The following ARHGAP42 variants were observed in gnomAD, a reference collection of about 807,000 sequenced individuals.
ARHGAP42 encodes rho GTPase-activating protein 42.
ARHGAP42 carries 63 observed loss-of-function variants against 125.0 expected under a neutral mutation model. The ratio of observed to expected loss-of-function variants is 0.50; its 90% CI spans 0.41 to 0.62. The LOEUF is 0.62. Ranked by LOEUF, ARHGAP42 falls within the 20% of genes least tolerant of loss-of-function variation. The probability of loss-of-function intolerance (pLI) is 0.00; values close to 1 mark genes in which losing one functional copy is unlikely to be tolerated. For missense variants in ARHGAP42, 766 were observed against 1,024.2 expected, an observed-to-expected ratio of 0.75 and a Z score of 3.44; for synonymous variants, 339 against 351.0, an observed-to-expected ratio of 0.97 and a Z score of 0.38.
At chr11:100,945,376 C>G (rs1364872435) in intron 10 of ARHGAP42, among the ~76,000 whole-genome samples, 2 of 151,994 alleles carry the variant, frequency 1.3e-5, no homozygotes, top group African/African-American at 4.8e-5. Flanking sequence ...TTGGCTTCCT[C>G]CCACGAGGGA....
chr11:100,792,409 A>G (rs776065537), intron 2 of ARHGAP42, among the ~76,000 whole-genome samples: 3 of 152,180 alleles, frequency 2.0e-5, no homozygotes, highest in Non-Finnish European at 2.9e-5. Context: ...AGTCCCCACT[A>G]CTTACTTTAA....
intron 4 of ARHGAP42, among the ~76,000 whole-genome samples, chr11:100,871,904 C>T (rs929186177): frequency 5.3e-5 from 8 of 152,182 alleles, no homozygotes; most frequent in Non-Finnish European, 8.8e-5. Context: ...CCATCACACC[C>T]AGCTAATTTT....
intron 4 of ARHGAP42, among the ~76,000 whole-genome samples, chr11:100,890,754 T>C (rs987908742): frequency 6.6e-6 from 1 of 152,224 alleles, no homozygotes; most frequent in Admixed American, 6.5e-5. Context: ...CAGGGACTAA[T>C]AGTTAATTAA....
intron 2 of ARHGAP42, among the ~76,000 whole-genome samples, chr11:100,778,910 C>CA (rs1863199061): frequency 2.0e-5 from 3 of 152,140 alleles, no homozygotes; most frequent in Non-Finnish European, 4.4e-5. Context: ...TTCTGCCCAA[C>CA]AAAAAATAGC....
chr11:100,873,841 T>G (rs1429565295), intron 4 of ARHGAP42, among the ~76,000 whole-genome samples: 2 of 152,118 alleles, frequency 1.3e-5, no homozygotes, highest in Non-Finnish European at 2.9e-5. Context: ...ACGCAGGCAG[T>G]TTAACTCTAA....
chr11:100,789,614 G>A (rs756909930), intron 2 of ARHGAP42, among the ~76,000 whole-genome samples: 3 of 152,178 alleles, frequency 2.0e-5, no homozygotes, highest in Non-Finnish European at 4.4e-5. Context: ...ATGTGCTCAC[G>A]TGAGTGATCA....
intron 3 of ARHGAP42, among the ~76,000 whole-genome samples, chr11:100,797,591 C>G (rs1434542850): frequency 6.6e-6 from 1 of 150,884 alleles, no homozygotes. Context: ...ACTGTTGAGA[C>G]CTAATGTTCA....
In ARHGAP42 at chr11:100,834,700, C is replaced by T. The variant is rs772965234; in HGVS notation, c.313-24854C>T. 9.9e-5 allele frequency among the ~76,000 whole-genome samples: 15 copies of T among 151,938 alleles called. No homozygotes were observed. In the South Asian group the frequency reaches 1.0e-3, roughly 11 times the overall value. On this transcript the variant is annotated intron_variant, in intron 3 of 23. Coordinates refer to ENST00000298815, the MANE Select transcript of ARHGAP42 (RefSeq NM_152432.4). ...TTAAAGAAGTGGGCAGGAATCCAGA[C>T]GAACTGTAGCCAAAAAAAGAATAGA...
At chr11:100,830,762 C>T (rs3847566) in intron 3 of ARHGAP42, among the ~76,000 whole-genome samples, 42,817 of 151,902 alleles carry the variant, frequency 0.28, 6,532 homozygotes, top group South Asian at 0.48. Context: ...TAGAGTGAGC[C>T]GTCATCTGGC....
chr11:100,863,368 T>A (rs1031918878), intron 4 of ARHGAP42, among the ~76,000 whole-genome samples: 1 of 152,212 alleles, frequency 6.6e-6, no homozygotes, highest in Admixed American at 6.5e-5. Flanking sequence ...GTCAGCGACC[T>A]CTTCAGCTTG....
At chr11:100,911,625 G>T (rs541238519) in intron 4 of ARHGAP42, among the ~76,000 whole-genome samples, 20 of 152,236 alleles carry the variant, frequency 1.3e-4, no homozygotes, top group African/African-American at 4.3e-4. Flanking sequence ...CAGGTAAGTT[G>T]TGGACATAAA....
intron 1 of ARHGAP42, among the ~76,000 whole-genome samples, chr11:100,734,979 A>T (rs1010233740): frequency 6.6e-6 from 1 of 152,046 alleles, no homozygotes; most frequent in African/African-American, 2.4e-5. Context: ...AGTAAGGACA[A>T]TCTGAAAACA....
rs1857936505 is a variant in ARHGAP42 at position 100,960,902 on chromosome 11, T to C, written c.1226-13T>C. 8.1e-6 allele frequency: 12 copies of C among 1,484,478 alleles called. No individual in the cohort carries two copies. The South Asian group carries it at 1.4e-4, about 17-fold the overall frequency. 92.0% of individuals were successfully genotyped at this position (1,484,478 alleles called of 1,614,324 possible). On this transcript the variant is annotated splice_polypyrimidine_tract_variant and intron_variant, in intron 13 of 23. Transcript: ENST00000298815. ...ATCTCAAGCCGTTTTCTTGTGATTTTCCTTCCTATTAGGTATCACCATTTT... is the reference window on the plus strand; with the variant it reads ...ATCTCAAGCCGTTTTCTTGTGATTTCCCTTCCTATTAGGTATCACCATTTT...
intron 1 of ARHGAP42, among the ~76,000 whole-genome samples, chr11:100,688,243 A>G (rs1045023540): frequency 2.0e-5 from 3 of 152,200 alleles, no homozygotes; most frequent in Admixed American, 6.5e-5. Flanking sequence ...TGATATTGAA[A>G]GAAAATTATT....
In ARHGAP42 at chr11:100,962,812, G is replaced by C. The variant is rs551697031; in HGVS notation, c.1444+345G>C. Reference sequence around the variant, plus strand: ...GATCACTTGAACCCAGGAGGCGGAGGTTATGGTGAGTCGAGATCGCGCCAT... The same window carrying C: ...GATCACTTGAACCCAGGAGGCGGAGCTTATGGTGAGTCGAGATCGCGCCAT... On this transcript the variant is annotated intron_variant, in intron 16 of 23. Transcript: ENST00000298815. Among the ~76,000 whole-genome samples, 11 of 152,204 alleles carry C rather than the reference G, an allele frequency of 7.2e-5. No homozygotes were observed. In the South Asian group the frequency reaches 1.9e-3, roughly 26 times the overall value.
At chr11:100,691,963 A>G (rs578175087) in intron 1 of ARHGAP42, among the ~76,000 whole-genome samples, 1 of 152,342 alleles carries the variant, frequency 6.6e-6, no homozygotes, top group Admixed American at 6.5e-5. Flanking sequence ...ACATTATATT[A>G]TACACCATAA....
chr11:100,806,893 G>C (rs546077458), intron 3 of ARHGAP42, among the ~76,000 whole-genome samples: 68 of 151,412 alleles, frequency 4.5e-4, no homozygotes, highest in African/African-American at 1.6e-3. Context: ...TGTTGCCCAG[G>C]CTGGAGTGCG....
rs138419731 is a variant in ARHGAP42, at chr11:100,914,509, GAACAACAAC to G, written c.486+977_486+985del. ...GACTCCCTTGCCATTGTCACCTTGA[GAACAACAAC>G]AACAACAACAACAACAACAAATGTG... On this transcript the variant is annotated intron_variant, in intron 5 of 23. Coordinates refer to ENST00000298815, the MANE Select transcript of ARHGAP42 (RefSeq NM_152432.4). Among the ~76,000 whole-genome samples, 8 of 151,022 alleles carry G rather than the reference GAACAACAAC, an allele frequency of 5.3e-5. No individual in the cohort carries two copies. In the East Asian group the frequency reaches 5.9e-4, roughly 11 times the overall value.
At chr11:100,774,105 T>C (rs915608654) in intron 2 of ARHGAP42, among the ~76,000 whole-genome samples, 3 of 152,218 alleles carry the variant, frequency 2.0e-5, no homozygotes, top group African/African-American at 7.2e-5. Context: ...AGCTCCCACA[T>C]ATACTCTAAA....
Sources: allele counts gnomAD v4.1 joint callset (sites outside exome capture counted in the v4.1 genomes callset), GRCh38; gene constraint gnomAD v4.1.1; transcripts MANE v1.5; gene names NCBI Gene and HGNC (gene_info 2026-07-23, HGNC 2026-07-21).